IGFBP7: variants seen among roughly 807,000 people sequenced by gnomAD.
IGFBP7 encodes the protein insulin-like growth factor-binding protein 7.
In IGFBP7, 31 loss-of-function variants were observed where a neutral mutation model predicts 29.4. That is an observed-to-expected ratio of 1.05 (90% confidence interval 0.79 to 1.42). The LOEUF (loss-of-function observed/expected upper bound fraction) is 1.42, where lower values mean the gene tolerates loss of function less well. Among genes scored for constraint, IGFBP7 ranks in the 40% most tolerant of loss-of-function variants. The pLI, the probability that IGFBP7 is intolerant of heterozygous loss-of-function variation, is 0.00. For synonymous variants in IGFBP7, 172 were observed against 174.9 expected (o/e 0.98, Z 0.13); for missense variants, 393 against 395.5 (o/e 0.99, Z 0.05).
intron 1 of IGFBP7, among the ~76,000 whole-genome samples, chr4:57,046,337 C>T (rs1338188664): frequency 2.6e-5 from 4 of 151,026 alleles, no homozygotes; most frequent in African/African-American, 9.7e-5. Context: ...TTCTGTTCTA[C>T]CTCAGGAGAG....
chr4:57,092,580 T>C (rs944080518), intron 1 of IGFBP7, among the ~76,000 whole-genome samples: 1 of 151,982 alleles, frequency 6.6e-6, no homozygotes, highest in Non-Finnish European at 1.5e-5. Context: ...TGTTTTGCTT[T>C]TGGGCTTTTG....
rs936726796 is a variant in IGFBP7 at position 57,093,365 on chromosome 4, T to C, written c.475+16512A>G. Among the ~76,000 whole-genome samples, 11 of 152,156 alleles carry C rather than the reference T, an allele frequency of 7.2e-5. 1 individual carries two copies. Among genetic ancestry groups the C allele is most frequent in the Admixed American group, 6.5e-4 (10 of 15,282 alleles). ...AAAATACAAAATTAGCTGGGTGTGG[T>C]GGTAGGCACCTGTAGTCCCAGTTAC... is the stretch of plus-strand genomic sequence containing the variant. On this transcript the variant is annotated intron_variant, in intron 1 of 4. Coordinates refer to ENST00000295666, the MANE Select transcript of IGFBP7 (RefSeq NM_001553.3).
At chr4:57,097,214 A>G (rs956091426) in intron 1 of IGFBP7, among the ~76,000 whole-genome samples, 26 of 152,240 alleles carry the variant, frequency 1.7e-4, no homozygotes, top group Admixed American at 2.0e-4. Context: ...AAAAGGTGCT[A>G]TTAAAAATAA....
At chr4:57,109,749 G>A in intron 1 of IGFBP7, 128 bp downstream of exon 1, 16 of 1,168,644 alleles carry the variant, frequency 1.4e-5, no homozygotes, top group Non-Finnish European at 1.8e-5. Flanking sequence ...CTCCCATCTG[G>A]CTCCTGGGAT....
At chr4:57,059,674 T>A (rs1004518811) in intron 1 of IGFBP7, among the ~76,000 whole-genome samples, 2 of 152,072 alleles carry the variant, frequency 1.3e-5, no homozygotes, top group African/African-American at 4.8e-5. Context: ...TGATAAAATA[T>A]GCTGTACAAC....
chr4:57,085,842 T>G (rs1725485593), intron 1 of IGFBP7, among the ~76,000 whole-genome samples: 1 of 152,244 alleles, frequency 6.6e-6, no homozygotes, highest in African/African-American at 2.4e-5. Flanking sequence ...TAACTTGCTT[T>G]CTGTGATTTT....
chr4:57,074,154 A>G (rs1046552175), intron 1 of IGFBP7, among the ~76,000 whole-genome samples: 15 of 152,050 alleles, frequency 9.9e-5, no homozygotes, highest in African/African-American at 3.6e-4. Flanking sequence ...TCCACCTCCC[A>G]AGTTCAAGCG....
chr4:57,070,803 G>C (rs549175731), intron 1 of IGFBP7, among the ~76,000 whole-genome samples: 7 of 152,276 alleles, frequency 4.6e-5, no homozygotes, highest in African/African-American at 1.4e-4. Context: ...TGGATACAAG[G>C]GATGTTCAGT....
At chr4:57,084,302 T>A (rs1245895717) in intron 1 of IGFBP7, among the ~76,000 whole-genome samples, 1 of 152,208 alleles carries the variant, frequency 6.6e-6, no homozygotes, top group Admixed American at 6.5e-5. Flanking sequence ...TAGGAGCATA[T>A]GCTGGATTAA....
At chr4:57,060,642 G>A (rs553574402) in intron 1 of IGFBP7, among the ~76,000 whole-genome samples, 23 of 152,286 alleles carry the variant, frequency 1.5e-4, no homozygotes, top group Non-Finnish European at 2.2e-4. Context: ...GGTTTATGGA[G>A]ATCCAGCCTG....
intron 1 of IGFBP7, among the ~76,000 whole-genome samples, chr4:57,071,344 C>T (rs149999983): frequency 4.2e-4 from 64 of 152,304 alleles, no homozygotes; most frequent in African/African-American, 1.4e-3. Context: ...GGTCTGCATG[C>T]GTTAGGAGAG....
intron 1 of IGFBP7, among the ~76,000 whole-genome samples, chr4:57,090,772 C>T (rs891464120): frequency 1.4e-4 from 21 of 152,000 alleles, no homozygotes; most frequent in African/African-American, 4.8e-4. Context: ...TGCTTGAACC[C>T]GGGAGGCAGA....
chr4:57,039,382 C>T (rs1271802370), intron 2 of IGFBP7, among the ~76,000 whole-genome samples: 1 of 152,096 alleles, frequency 6.6e-6, no homozygotes. Flanking sequence ...CAGTGGTTTT[C>T]AGTCCAGGGC....
chr4:57,057,927 C>T (rs1220041903), intron 1 of IGFBP7, among the ~76,000 whole-genome samples: 1 of 152,160 alleles, frequency 6.6e-6, no homozygotes, highest in Non-Finnish European at 1.5e-5. Context: ...TCAAAGTAAA[C>T]TCAAATAGAG....
chr4:57,109,741 C>T lies in IGFBP7; in HGVS notation c.475+136G>A, dbSNP rs1362225679. 5.5e-6 allele frequency: 6 copies of T among 1,083,452 alleles called. No individual in the cohort carries two copies. The East Asian group carries it at 9.2e-5, about 17-fold the overall frequency. 67.1% of individuals were successfully genotyped at this position (1,083,452 alleles called of 1,614,324 possible). Reference sequence around the variant, plus strand: ...TTCCGCGGCTGCCAACTCTTTCCCTCCCATCTGGCTCCTGGGATGCCCGCG... The same window carrying T: ...TTCCGCGGCTGCCAACTCTTTCCCTTCCATCTGGCTCCTGGGATGCCCGCG... On this transcript the variant is annotated intron_variant, in intron 1 of 4. Coordinates refer to ENST00000295666, the MANE Select transcript of IGFBP7 (RefSeq NM_001553.3).
chr4:57,068,944 C>G (rs1724987053), intron 1 of IGFBP7, among the ~76,000 whole-genome samples: 1 of 152,054 alleles, frequency 6.6e-6, no homozygotes, highest in Non-Finnish European at 1.5e-5. Context: ...GGATGCAGGC[C>G]CCTTCTGAAG....
At chr4:57,069,127 T>A (rs1724994955) in intron 1 of IGFBP7, among the ~76,000 whole-genome samples, 1 of 152,144 alleles carries the variant, frequency 6.6e-6, no homozygotes, top group Non-Finnish European at 1.5e-5. Context: ...AGGGGTGTTT[T>A]TAGGAGGAAG....
chr4:57,059,990 A>T (rs1724762038), intron 1 of IGFBP7, among the ~76,000 whole-genome samples: 1 of 152,224 alleles, frequency 6.6e-6, no homozygotes. Flanking sequence ...CATGGAATGG[A>T]TTAATTTGTC....
At chr4:57,059,078 T>G (rs1275982576) in intron 1 of IGFBP7, among the ~76,000 whole-genome samples, 1 of 152,162 alleles carries the variant, frequency 6.6e-6, no homozygotes, top group Non-Finnish European at 1.5e-5. Flanking sequence ...TTGCTATTAT[T>G]AAATAGTCAA....
Sources: gnomAD v4.1 joint callset for allele counts (sites outside exome capture counted in the v4.1 genomes callset) on GRCh38, gnomAD v4.1.1 for gene constraint, MANE v1.5 for transcripts, NCBI Gene and HGNC (gene_info 2026-07-23, HGNC 2026-07-21) for gene names.